Variants in CPA6 observed in about 807,000 individuals in gnomAD.
CPA6 encodes the protein carboxypeptidase B.
In CPA6, 58 loss-of-function variants were observed where a neutral mutation model predicts 63.3. The observed-to-expected ratio is 0.92, with a 90% CI of 0.74 to 1.14. The LOEUF (loss-of-function observed/expected upper bound fraction) is 1.14. CPA6 is among the 50% of genes most tolerant of loss of function. CPA6 has a pLI of 0.00. For missense variants in CPA6, 565 were observed against 526.6 expected, an observed-to-expected ratio of 1.07 and a Z score of -0.71; for synonymous variants, 185 against 179.0, an observed-to-expected ratio of 1.03 and a Z score of -0.27.
chr8:67,693,610 C>T (rs1348138793), intron 1 of CPA6, among the ~76,000 whole-genome samples: 2 of 152,112 alleles, frequency 1.3e-5, no homozygotes, highest in Non-Finnish European at 2.9e-5. Context: ...GGATTAGTGC[C>T]CTAATGAAAG....
chr8:67,595,863 C>T (rs535809767), intron 2 of CPA6, among the ~76,000 whole-genome samples: 77 of 152,278 alleles, frequency 5.1e-4, no homozygotes, highest in African/African-American at 1.5e-3. Flanking sequence ...CGCCCTGCTT[C>T]GGCTGGCGCA....
intron 2 of CPA6, among the ~76,000 whole-genome samples, chr8:67,538,278 AGTGGGGTGTTAAAGTCTCCCACTATTAAT>A (rs1197261964): frequency 6.6e-6 from 1 of 152,212 alleles, no homozygotes; most frequent in East Asian, 1.9e-4. Context: ...TAATATTGAC[AGTGGGGTGTTAAAGTCTCCCACTATTAAT>A]GTGTGGGCGT....
chr8:67,543,395 C>G (rs538352806), intron 2 of CPA6, among the ~76,000 whole-genome samples: 1 of 152,238 alleles, frequency 6.6e-6, no homozygotes, highest in Non-Finnish European at 1.5e-5. Context: ...CAACTTCTTA[C>G]AGCAGCAGAC....
Position 67,586,065 on chromosome 8 carries a change from G to A in CPA6, c.192+38111C>T, listed in dbSNP as rs1302140543. 3.9e-5 allele frequency among the ~76,000 whole-genome samples: 6 copies of A among 152,124 alleles called. No individual in the cohort carries two copies. In the East Asian group the frequency reaches 1.2e-3, roughly 29 times the overall value. Reference sequence around the variant, plus strand: ...GTAAAGCTCCAAGGGATCTGGATGAGAATAGCCATAATAACAAGTGCTATG... The same window carrying A: ...GTAAAGCTCCAAGGGATCTGGATGAAAATAGCCATAATAACAAGTGCTATG... On this transcript the variant is annotated intron_variant, in intron 2 of 10. Transcript: ENST00000297770.
intron 8 of CPA6, among the ~76,000 whole-genome samples, chr8:67,476,537 ATC>A (rs1038923051): frequency 3.5e-5 from 5 of 141,518 alleles, no homozygotes; most frequent in East Asian, 2.1e-4. Flanking sequence ...TACATTCCCA[ATC>A]TCTCTCTCTC....
At chr8:67,506,131 T>TCTG (rs1428443031) in intron 6 of CPA6, among the ~76,000 whole-genome samples, 1 of 151,966 alleles carries the variant, frequency 6.6e-6, no homozygotes, top group Non-Finnish European at 1.5e-5. Flanking sequence ...ACGAAAGTGT[T>TCTG]GGCACAAAAG....
intron 1 of CPA6, among the ~76,000 whole-genome samples, chr8:67,691,657 T>C (rs1381318863): frequency 6.6e-6 from 1 of 152,214 alleles, no homozygotes; most frequent in Non-Finnish European, 1.5e-5. Context: ...ATTTGTGATA[T>C]TTAAATTCAA....
chr8:67,597,469 C>G (rs1351280104), intron 2 of CPA6, among the ~76,000 whole-genome samples: 1 of 152,200 alleles, frequency 6.6e-6, no homozygotes, highest in Non-Finnish European at 1.5e-5. Flanking sequence ...GCTGGGATTA[C>G]AGGCAGGAGC....
At chr8:67,674,396 A>G (rs1402440779) in intron 1 of CPA6, among the ~76,000 whole-genome samples, 2 of 152,238 alleles carry the variant, frequency 1.3e-5, no homozygotes, top group African/African-American at 4.8e-5. Flanking sequence ...ACAACTGAAA[A>G]ACTACTCTTG....
At chr8:67,684,250 T>G (rs1181557925) in intron 1 of CPA6, among the ~76,000 whole-genome samples, 1 of 151,892 alleles carries the variant, frequency 6.6e-6, no homozygotes, top group Non-Finnish European at 1.5e-5. Flanking sequence ...CAGATGATAT[T>G]TCTCTTGATG....
At chr8:67,442,757 A>C (rs1055555802) in intron 8 of CPA6, among the ~76,000 whole-genome samples, 4 of 152,134 alleles carry the variant, frequency 2.6e-5, no homozygotes, top group African/African-American at 9.7e-5. Flanking sequence ...TGGTACAGTG[A>C]GCATAGTTGA....
intron 1 of CPA6, among the ~76,000 whole-genome samples, chr8:67,710,398 C>A (rs1817231078): frequency 2.7e-5 from 3 of 109,994 alleles, no homozygotes; most frequent in African/African-American, 1.3e-4. Flanking sequence ...AAATTTCCCG[C>A]CCCCACCCCC....
At chr8:67,575,844 A>C (rs74715014) in intron 2 of CPA6, among the ~76,000 whole-genome samples, 1 of 146,944 alleles carries the variant, frequency 6.8e-6, no homozygotes, top group Admixed American at 6.8e-5. Flanking sequence ...TCTGTCTCCA[A>C]AAAAAAAAAA....
At chr8:67,583,952 T>C (rs1274706992) in intron 2 of CPA6, among the ~76,000 whole-genome samples, 1 of 151,666 alleles carries the variant, frequency 6.6e-6, no homozygotes, top group Non-Finnish European at 1.5e-5. Context: ...GGTCAGGAGA[T>C]CGAGACCATC....
intron 8 of CPA6, among the ~76,000 whole-genome samples, chr8:67,475,084 T>C (rs145746607): frequency 3.3e-5 from 5 of 152,324 alleles, no homozygotes; most frequent in African/African-American, 4.8e-5. Flanking sequence ...AGGACTGTTA[T>C]AAAGGATTTG....
intron 1 of CPA6, among the ~76,000 whole-genome samples, chr8:67,694,709 C>T (rs1404318023): frequency 3.3e-5 from 5 of 152,200 alleles, no homozygotes; most frequent in Non-Finnish European, 5.9e-5. Flanking sequence ...GGCCTGGTTT[C>T]AGATGATTCT....
chr8:67,507,284 T>C (rs1811950155), intron 5 of CPA6, among the ~76,000 whole-genome samples: 1 of 152,146 alleles, frequency 6.6e-6, no homozygotes, highest in African/African-American at 2.4e-5. Flanking sequence ...TAATATAGTA[T>C]GTGACTGTTA....
intron 2 of CPA6, among the ~76,000 whole-genome samples, chr8:67,531,809 C>T (rs766754925): frequency 3.3e-5 from 5 of 152,076 alleles, no homozygotes; most frequent in South Asian, 2.1e-4. Context: ...TGACCCAATA[C>T]GAGGTTACAA....
chr8:67,475,816 TC>T (rs771592954), intron 8 of CPA6, among the ~76,000 whole-genome samples: 7,328 of 54,280 alleles, frequency 0.14, 586 homozygotes, highest in African/African-American at 0.3. Context: ...TTTCTTTCTT[TC>T]CTTTCTTTTC....
Sources: gnomAD v4.1 joint callset for allele counts (sites outside exome capture counted in the v4.1 genomes callset) on GRCh38, gnomAD v4.1.1 for gene constraint, MANE v1.5 for transcripts, NCBI Gene and HGNC (gene_info 2026-07-23, HGNC 2026-07-21) for gene names.